The following SEZ6L variants were observed in gnomAD, a reference collection of about 807,000 sequenced individuals.
SEZ6L encodes the protein seizure 6-like protein.
In SEZ6L, 37 loss-of-function variants were observed where a neutral mutation model predicts 106.2. The observed-to-expected ratio is 0.35, with a 90% CI of 0.27 to 0.46. The LOEUF (loss-of-function observed/expected upper bound fraction) is 0.46, where lower values mean the gene tolerates loss of function less well. Among genes scored for constraint, SEZ6L ranks in the 20% least tolerant of loss-of-function variants. The probability of loss-of-function intolerance (pLI) is 1.00; values close to 1 mark genes in which losing one functional copy is unlikely to be tolerated. For missense variants in SEZ6L, 1,172 were observed against 1,332.8 expected, an observed-to-expected ratio of 0.88 and a Z score of 1.88; for synonymous variants, 541 against 570.4, an observed-to-expected ratio of 0.95 and a Z score of 0.73.
At chr22:26,266,081 G>C (rs1172522927) in intron 1 of SEZ6L, among the ~76,000 whole-genome samples, 1 of 152,150 alleles carries the variant, frequency 6.6e-6, no homozygotes, top group Non-Finnish European at 1.5e-5. Context: ...AAGGTTCTGG[G>C]TAGGACCAGC....
At chr22:26,379,030 A>C (rs2084325424) in intron 16 of SEZ6L, among the ~76,000 whole-genome samples, 1 of 152,194 alleles carries the variant, frequency 6.6e-6, no homozygotes, top group Non-Finnish European at 1.5e-5. Context: ...ACAGGCTACA[A>C]ACAAGGCAGC....
At chr22:26,361,176 A>G (rs2083610371) in intron 12 of SEZ6L, among the ~76,000 whole-genome samples, 1 of 152,152 alleles carries the variant, frequency 6.6e-6, no homozygotes, top group African/African-American at 2.4e-5. Flanking sequence ...ATCTAAATAG[A>G]AAAACAAGTC....
intron 1 of SEZ6L, among the ~76,000 whole-genome samples, chr22:26,234,719 A>G (rs1263205135): frequency 2.0e-5 from 3 of 152,250 alleles, no homozygotes; most frequent in African/African-American, 4.8e-5. Flanking sequence ...TTAGTAAACT[A>G]TATACTGTGC....
In SEZ6L at chr22:26,187,944, T is replaced by C. The variant is rs139654442; in HGVS notation, c.94+18181T>C. ...ATTTGGAAGCCCTGTCATTTTGATT[T>C]AAAGCCGGGGAAGTGGGGCTGATCC... is the stretch of plus-strand genomic sequence containing the variant. On this transcript the variant is annotated intron_variant, in intron 1 of 16. Transcript: ENST00000248933. Among the ~76,000 whole-genome samples the C allele has an allele frequency of 2.4e-3, 370 of 152,314 alleles. 2 individuals are homozygous for C. The highest frequency in any genetic ancestry group is 8.6e-3 in the African/African-American group (356 of 41,564).
intron 4 of SEZ6L, among the ~76,000 whole-genome samples, chr22:26,298,685 A>T (rs2081367391): frequency 6.6e-6 from 1 of 152,168 alleles, no homozygotes; most frequent in Non-Finnish European, 1.5e-5. Context: ...GAGAAGGCCA[A>T]TCTGTCTCTA....
Position 26,350,230 on chromosome 22 carries a change from T to TATA in SEZ6L, c.2408-822_2408-821insATA, listed in dbSNP as rs1294201857. Among the ~76,000 whole-genome samples the TATA allele has an allele frequency of 6.1e-4, 88 of 144,782 alleles. 1 individual carries two copies. The highest frequency in any genetic ancestry group is 2.2e-3 in the African/African-American group (85 of 39,010). The allele number at this position is 144,782 out of a possible 152,430, so 95.0% of individuals were successfully genotyped here. ...TATACACATATATATATATATATAT[T>TATA]TATATGTATTTTTTTGAGGCAAGGT... On this transcript the variant is annotated intron_variant, in intron 11 of 16. Transcript: ENST00000248933.
chr22:26,236,626 CT>C lies in SEZ6L; in HGVS notation c.95-55779del, dbSNP rs946253137. ...CACCAGTTTCAAATCTGGGGTCCCC[CT>C]GACTCTAATAGTCTTTGAAAGGAGT... On this transcript the variant is annotated intron_variant, in intron 1 of 16. Coordinates refer to ENST00000248933, the MANE Select transcript of SEZ6L (RefSeq NM_021115.5). Among the ~76,000 whole-genome samples, 80 of 152,298 alleles carry C rather than the reference CT, an allele frequency of 5.3e-4. 1 individual carries two copies. In the Middle Eastern group the frequency reaches 0.017, roughly 32 times the overall value.
chr22:26,287,068 T>A (rs1475092748), intron 1 of SEZ6L, among the ~76,000 whole-genome samples: 1 of 151,780 alleles, frequency 6.6e-6, no homozygotes, highest in Non-Finnish European at 1.5e-5. Context: ...TTTTTTTTTT[T>A]TTTTCACTTT....
chr22:26,311,008 C>G (rs544600778), intron 7 of SEZ6L, among the ~76,000 whole-genome samples, 172 bp downstream of exon 7: 30 of 152,318 alleles, frequency 2.0e-4, no homozygotes, highest in African/African-American at 6.7e-4. Context: ...AATAACAATG[C>G]CTATCATTAA....
intron 8 of SEZ6L, among the ~76,000 whole-genome samples, chr22:26,313,404 C>T (rs565691267): frequency 1.4e-4 from 21 of 152,236 alleles, no homozygotes; most frequent in East Asian, 5.8e-4. Flanking sequence ...CTTGAGTGGG[C>T]GGTCTCTTAG....
intron 1 of SEZ6L, among the ~76,000 whole-genome samples, chr22:26,292,042 T>A (rs374535667): frequency 0.039 from 2,432 of 61,778 alleles, 129 homozygotes; most frequent in African/African-American, 0.13. Flanking sequence ...GAAGGATGGA[T>A]GGAAGGAAAG....
chr22:26,304,926 G>A (rs80061551), intron 5 of SEZ6L, among the ~76,000 whole-genome samples: 5,571 of 152,208 alleles, frequency 0.037, 120 homozygotes, highest in East Asian at 0.042. Context: ...TCATCATTGC[G>A]TGAACATCAT....
At chr22:26,341,884 C>T (rs985996993) in intron 10 of SEZ6L, among the ~76,000 whole-genome samples, 1 of 152,182 alleles carries the variant, frequency 6.6e-6, no homozygotes, top group Admixed American at 6.5e-5. Flanking sequence ...ACCAACATTC[C>T]CAGATGTCAG....
Position 26,241,050 on chromosome 22 carries a change from T to A in SEZ6L, c.95-51356T>A, listed in dbSNP as rs578175512. On this transcript the variant is annotated intron_variant, in intron 1 of 16. Transcript: ENST00000248933. The stretch of plus-strand genomic sequence containing the variant: ...GACATGCAGACACTCTAGAGAAGAG[T>A]GTCCAGGCAGGGGAACGGCCCTGTT... Among the ~76,000 whole-genome samples, 5 of 151,822 alleles carry A rather than the reference T, an allele frequency of 3.3e-5. No homozygotes were observed. In the South Asian group the frequency reaches 1.0e-3, roughly 32 times the overall value.
intron 5 of SEZ6L, among the ~76,000 whole-genome samples, chr22:26,300,802 T>A (rs1186616993): frequency 1.3e-5 from 2 of 152,260 alleles, no homozygotes; most frequent in Non-Finnish European, 2.9e-5. Context: ...TTCCATTTTT[T>A]AATCAGGTTG....
At chr22:26,364,826 G>A (rs1266409506) in intron 12 of SEZ6L, 1 of 154,002 alleles carries the variant, frequency 6.5e-6, no homozygotes, top group African/African-American at 2.4e-5. Flanking sequence ...AAGGCTTCCT[G>A]GAGAAGGAGA....
At chr22:26,357,219 A>T (rs1387449347) in intron 12 of SEZ6L, among the ~76,000 whole-genome samples, 1 of 152,186 alleles carries the variant, frequency 6.6e-6, no homozygotes, top group Admixed American at 6.5e-5. Flanking sequence ...TGCTGGGATT[A>T]CAGCCATGCG....
intron 1 of SEZ6L, among the ~76,000 whole-genome samples, chr22:26,251,571 T>A (rs1009493367): frequency 2.0e-5 from 3 of 152,164 alleles, no homozygotes; most frequent in African/African-American, 7.2e-5. Flanking sequence ...GTTTGTGTAT[T>A]TGGGGTGGTG....
chr22:26,366,824 T>A (rs760805546), intron 13 of SEZ6L, among the ~76,000 whole-genome samples: 19 of 152,164 alleles, frequency 1.2e-4, no homozygotes, highest in Non-Finnish European at 2.8e-4. Flanking sequence ...ATTACTAAAT[T>A]TTTTTGTAGA....
Sources: gnomAD v4.1 joint callset for allele counts (sites outside exome capture counted in the v4.1 genomes callset) on GRCh38, gnomAD v4.1.1 for gene constraint, MANE v1.5 for transcripts, NCBI Gene and HGNC (gene_info 2026-07-23, HGNC 2026-07-21) for gene names.